NTM: variants seen among roughly 807,000 people sequenced by gnomAD.
The protein encoded by NTM is IgLON family member 2.
Under a neutral mutation model 42.1 loss-of-function variants are expected in NTM, and 13 were observed. That is an observed-to-expected ratio of 0.31 (90% CI 0.20 to 0.49). The LOEUF is 0.49. Ranked by LOEUF, NTM falls within the 20% of genes least tolerant of loss-of-function variation. The pLI, the probability that NTM is intolerant of heterozygous loss-of-function variation, is 0.99. For synonymous variants in NTM, 187 were observed against 179.2 expected (o/e 1.04, Z -0.35); for missense variants, 373 against 452.8 (o/e 0.82, Z 1.60).
rs547695498 is a variant in NTM at position 131,991,296 on chromosome 11, C to A, written c.167+79648C>A. On this transcript the variant is annotated intron_variant, in intron 2 of 8. Transcript: ENST00000683400. ...ATCTCTTGCATTGCATAGTTGAGAA[C>A]AGCAGTTCCACAATAAGAGAGTCTT... Among the ~76,000 whole-genome samples the A allele has an allele frequency of 1.2e-3, 183 of 152,222 alleles. 1 individual carries two copies. Among genetic ancestry groups the A allele is most frequent in the Non-Finnish European group, 1.9e-3 (128 of 68,016 alleles).
intron 1 of NTM, among the ~76,000 whole-genome samples, chr11:131,440,919 G>A (rs1219184007): frequency 1.4e-5 from 2 of 145,168 alleles, no homozygotes; most frequent in Non-Finnish European, 3.0e-5. Context: ...CTCCTCCCCA[G>A]GCATTTCAGT....
At chr11:131,399,520 TGAG>T (rs542425647) in intron 1 of NTM, among the ~76,000 whole-genome samples, 21 of 152,254 alleles carry the variant, frequency 1.4e-4, no homozygotes, top group African/African-American at 5.1e-4. Flanking sequence ...GTTTCACAGA[TGAG>T]GAGACTGAAG....
intron 2 of NTM, among the ~76,000 whole-genome samples, chr11:132,035,025 A>T (rs1246491202): frequency 6.6e-6 from 1 of 152,120 alleles, no homozygotes; most frequent in African/African-American, 2.4e-5. Context: ...TTTTCTTCCC[A>T]TGGTTTTCAT....
At chr11:131,955,158 C>G (rs888957361) in intron 2 of NTM, among the ~76,000 whole-genome samples, 1 of 152,158 alleles carries the variant, frequency 6.6e-6, no homozygotes, top group Non-Finnish European at 1.5e-5. Context: ...CCCTGAGCAC[C>G]TCCACCCTCA....
chr11:131,598,685 T>TTCTTTCTTTCTTTCTTTCTTTC (rs1565684837), intron 1 of NTM, among the ~76,000 whole-genome samples: 3 of 23,180 alleles, frequency 1.3e-4, no homozygotes, highest in Admixed American at 5.3e-4. Context: ...CTCATTTGTT[T>TTCTTTCTTTCTTTCTTTCTTTC]TCTTTCTTTC....
chr11:132,164,789 G>A (rs950934894), intron 3 of NTM, among the ~76,000 whole-genome samples: 1 of 152,124 alleles, frequency 6.6e-6, no homozygotes, highest in African/African-American at 2.4e-5. Flanking sequence ...GTGAACTCCC[G>A]AGGCCTGTTT....
chr11:131,735,303 C>T lies in NTM; in HGVS notation c.83-176261C>T, dbSNP rs572165839. Among the ~76,000 whole-genome samples the T allele has an allele frequency of 3.9e-5, 6 of 152,324 alleles. No individual in the cohort carries two copies. In the South Asian group the frequency reaches 1.2e-3, roughly 32 times the overall value. ...AAATGGGGTTCCCACTTCATTTCCC[C>T]CATCTTCTATGCTCGCTTATAGGTT... On this transcript the variant is annotated intron_variant, in intron 1 of 8. Transcript: ENST00000683400.
intron 3 of NTM, among the ~76,000 whole-genome samples, chr11:132,176,316 T>C (rs1432446224): frequency 6.6e-6 from 1 of 151,008 alleles, no homozygotes; most frequent in Admixed American, 6.6e-5. Flanking sequence ...ATGGGTTTGG[T>C]CAAGTTTGGT....
At chr11:132,247,383 C>T (rs1486266563) in intron 4 of NTM, among the ~76,000 whole-genome samples, 2 of 152,076 alleles carry the variant, frequency 1.3e-5, no homozygotes, top group Non-Finnish European at 2.9e-5. Context: ...GTTTTTACAT[C>T]GCAAAAATGG....
chr11:131,454,630 G>A (rs888121693), intron 1 of NTM, among the ~76,000 whole-genome samples: 3 of 152,110 alleles, frequency 2.0e-5, no homozygotes, highest in Non-Finnish European at 4.4e-5. Context: ...ATCCCACAAA[G>A]CACACGTTTG....
chr11:131,437,423 C>T (rs894627952), intron 1 of NTM, among the ~76,000 whole-genome samples: 5 of 152,158 alleles, frequency 3.3e-5, no homozygotes, highest in African/African-American at 1.2e-4. Context: ...GAGTCTAAGT[C>T]TCTTAGTAGG....
chr11:131,853,158 G>T (rs2045758752), intron 1 of NTM, among the ~76,000 whole-genome samples: 1 of 151,962 alleles, frequency 6.6e-6, no homozygotes, highest in African/African-American at 2.4e-5. Flanking sequence ...AATAAGAGAA[G>T]AATAATTTGT....
At chr11:131,524,065 AT>A (rs374212032) in intron 1 of NTM, among the ~76,000 whole-genome samples, 26 of 152,182 alleles carry the variant, frequency 1.7e-4, no homozygotes, top group African/African-American at 6.0e-4. Flanking sequence ...AACCATCCTG[AT>A]TTGTGGATGG....
rs573309537 is a variant in NTM at position 132,146,624 on chromosome 11, A to C, written c.400+110A>C. 4.7e-5 allele frequency: 55 copies of C among 1,167,642 alleles called. 1 individual carries two copies. In the Middle Eastern group the frequency reaches 2.6e-3, roughly 55 times the overall value. 72.3% of individuals were successfully genotyped at this position (1,167,642 alleles called of 1,614,324 possible). ...GAGATGAGTTATCCTTATTCTACGCATCTGGGGTCCAGGGCACATTTCTGG... is the reference window on the plus strand; with the variant it reads ...GAGATGAGTTATCCTTATTCTACGCCTCTGGGGTCCAGGGCACATTTCTGG... On this transcript the variant is annotated intron_variant, in intron 3 of 8. Transcript: ENST00000683400. The surrounding 1 kb of genome is among the most constrained non-coding windows in gnomAD (Gnocchi z 4.5).
chr11:132,198,167 A>G (rs2080578083), intron 3 of NTM, among the ~76,000 whole-genome samples: 1 of 152,188 alleles, frequency 6.6e-6, no homozygotes, highest in Non-Finnish European at 1.5e-5. Context: ...ACACTGAGAA[A>G]TTAAATAACT....
chr11:131,471,152 A>G (rs1952401992), intron 1 of NTM, among the ~76,000 whole-genome samples: 1 of 152,206 alleles, frequency 6.6e-6, no homozygotes, highest in Non-Finnish European at 1.5e-5. Flanking sequence ...GTCAGCTCTT[A>G]CTAACTCAGA....
intron 2 of NTM, among the ~76,000 whole-genome samples, chr11:132,037,668 C>T (rs1163850102): frequency 1.3e-5 from 2 of 152,182 alleles, no homozygotes; most frequent in South Asian, 2.1e-4. Context: ...CTTGCATGCC[C>T]TCTCTGCATT....
intron 2 of NTM, among the ~76,000 whole-genome samples, chr11:132,080,305 A>G (rs1028136385): frequency 6.6e-6 from 1 of 152,246 alleles, no homozygotes; most frequent in Non-Finnish European, 1.5e-5. Context: ...CAGTCACTGC[A>G]GCAGGCATCC....
chr11:131,765,846 G>A (rs2135857267), intron 1 of NTM, among the ~76,000 whole-genome samples: 1 of 152,304 alleles, frequency 6.6e-6, no homozygotes, highest in Non-Finnish European at 1.5e-5. Flanking sequence ...CCAGAGCATA[G>A]AATCAAGAAG....
Sources: gnomAD v4.1 joint callset for allele counts (sites outside exome capture counted in the v4.1 genomes callset) on GRCh38, gnomAD v4.1.1 for gene constraint, Gnocchi (gnomAD v3.1) non-coding constraint, MANE v1.5 for transcripts, NCBI Gene and HGNC (gene_info 2026-07-23, HGNC 2026-07-21) for gene names.